The following MMRN1 variants were observed in gnomAD, a reference collection of about 807,000 sequenced individuals.
MMRN1 encodes the protein multimerin 1, also known as multimerin-1.
A neutral mutation model predicts 100.7 loss-of-function variants in MMRN1; 94 were observed. The observed-to-expected ratio is 0.93, with a 90% CI of 0.79 to 1.11. The LOEUF is 1.11. Among genes scored for constraint, MMRN1 ranks in the 50% least tolerant of loss-of-function variants. The pLI is 0.00. For missense variants in MMRN1, 1,606 were observed against 1,439.1 expected (o/e 1.12, Z -1.88); for synonymous variants, 575 against 505.0 (o/e 1.14, Z -1.86).
chr4:89,902,771 C>T (rs1296742661), intron 1 of MMRN1, among the ~76,000 whole-genome samples: 1 of 151,928 alleles, frequency 6.6e-6, no homozygotes, highest in African/African-American at 2.4e-5. Context: ...AACCATAAAT[C>T]AAAGTATCTA....
intron 1 of MMRN1, among the ~76,000 whole-genome samples, chr4:89,888,920 T>C (rs1720992490): frequency 1.3e-5 from 2 of 150,568 alleles, no homozygotes; most frequent in South Asian, 4.1e-4. Context: ...GTTTTCTTGA[T>C]TTTTTTAGGG....
upstream of MMRN1, among the ~76,000 whole-genome samples, chr4:89,892,819 C>G (rs1040931770): frequency 9.2e-5 from 14 of 151,898 alleles, no homozygotes; most frequent in Non-Finnish European, 1.9e-4. Flanking sequence ...TGACATTTTA[C>G]CACTAAAGTT....
At position 89,934,934 on chromosome 4, in the gene MMRN1, G is replaced by C; in HGVS notation, c.1254G>C (p.Glu418Asp). The change falls in exon 6 of 8, where the codon GAG (glutamate) becomes GAC (aspartate). Residue 418 changes from glutamate (E) to aspartate (D), a missense_variant. Transcript: ENST00000264790. Reference protein sequence around the residue: ...QLFKTVSSLSEDLESTRQIIQ... With the variant: ...QLFKTVSSLSDDLESTRQIIQ... The stretch of plus-strand genomic sequence containing the variant: ...TCAAGACTGTATCAAGTCTATCAGA[G>C]GACCTCGAAAGCACCAGGCAAATAA... The C allele has an allele frequency of 6.2e-7, 1 of 1,613,696 alleles. No individual in the cohort carries two copies. Among genetic ancestry groups the C allele is most frequent in the Non-Finnish European group, 8.5e-7 (1 of 1,179,778 alleles).
intron 1 of MMRN1, among the ~76,000 whole-genome samples, chr4:89,879,830 CAT>C (rs1720782502): frequency 6.6e-6 from 1 of 152,122 alleles, no homozygotes. Flanking sequence ...TTCAACAAGA[CAT>C]GTGAAAATAG....
intron 2 of MMRN1, among the ~76,000 whole-genome samples, chr4:89,910,654 T>C (rs12640925): frequency 0.082 from 12,442 of 151,482 alleles, 930 homozygotes; most frequent in East Asian, 0.3. Context: ...CAAATTGCTT[T>C]GCTTCCTACT....
chr4:89,926,586 TG>T (rs1433761689), intron 4 of MMRN1, among the ~76,000 whole-genome samples: 2 of 152,180 alleles, frequency 1.3e-5, no homozygotes, highest in Non-Finnish European at 2.9e-5. Flanking sequence ...GGTTGTGTCT[TG>T]ACTTTGTTGG....
chr4:89,895,779 A>G (rs150123061), intron 1 of MMRN1, among the ~76,000 whole-genome samples, 185 bp downstream of exon 1: 127 of 152,258 alleles, frequency 8.3e-4, no homozygotes, highest in African/African-American at 2.9e-3. Flanking sequence ...AAATGAAGAA[A>G]TAAAATGCAG....
At chr4:89,929,194 T>TA (rs1226376591) in intron 5 of MMRN1, among the ~76,000 whole-genome samples, 1 of 152,158 alleles carries the variant, frequency 6.6e-6, no homozygotes, top group Admixed American at 6.6e-5. Context: ...GTTTCAGGAT[T>TA]ACTGTTTTTT....
Position 89,953,301 on chromosome 4 carries a change from T to A in MMRN1, c.3570T>A (p.Asp1190Glu). 1 of 1,613,900 alleles carries A rather than the reference T, an allele frequency of 6.2e-7. No homozygotes were observed. Among genetic ancestry groups the A allele is most frequent in the Non-Finnish European group, 8.5e-7 (1 of 1,179,844 alleles). Residue 1190 changes from aspartate to glutamate, a missense_variant, in exon 8 of 8, where the codon GAT (aspartate) becomes GAA (glutamate). Asp to Glu is a conservative substitution (Grantham distance 45). Transcript: ENST00000264790. The stretch of plus-strand genomic sequence containing the variant: ...ACTGTGATAGGGTTTTAACTGGGGA[T>A]GCCTTATTAGAATTAAATTATGGGC... ...EIHCDRVLTG[D>E]ALLELNYGQE...
chr4:89,890,010 A>G (rs886232365), upstream of MMRN1, among the ~76,000 whole-genome samples: 1 of 151,526 alleles, frequency 6.6e-6, no homozygotes, highest in Non-Finnish European at 1.5e-5. Context: ...GAAGCTACTG[A>G]TTTTCATTCT....
At chr4:89,938,870 A>G (rs1722736037) in intron 6 of MMRN1, among the ~76,000 whole-genome samples, 1 of 152,094 alleles carries the variant, frequency 6.6e-6, no homozygotes, top group African/African-American at 2.4e-5. Flanking sequence ...TAATGATGCC[A>G]AGGTAATAAA....
chr4:89,936,966 A>T (rs1319612312), intron 6 of MMRN1, among the ~76,000 whole-genome samples, 168 bp downstream of exon 6: 2 of 152,118 alleles, frequency 1.3e-5, no homozygotes, highest in Non-Finnish European at 2.9e-5. Context: ...AATCTATCTT[A>T]CAGTATTTCA....
intron 3 of MMRN1, among the ~76,000 whole-genome samples, chr4:89,912,729 G>A (rs1042503411): frequency 8.6e-5 from 13 of 151,124 alleles, no homozygotes; most frequent in African/African-American, 3.1e-4. Flanking sequence ...TACAAGAAAG[G>A]CCATTAGCAG....
intron 3 of MMRN1, among the ~76,000 whole-genome samples, chr4:89,918,020 A>G (rs1721976589): frequency 6.6e-6 from 1 of 151,752 alleles, no homozygotes; most frequent in South Asian, 2.1e-4. Context: ...GCATAAATCA[A>G]TGAATATTTA....
At position 89,951,769 on chromosome 4, in the gene MMRN1, G is replaced by T. The variant is rs776557832; in HGVS notation, c.3265+18G>T. On this transcript the variant is annotated intron_variant, in intron 7 of 7. Coordinates refer to ENST00000264790, the MANE Select transcript of MMRN1 (RefSeq NM_007351.3). Reference sequence around the variant, plus strand: ...AGCTCCAGGTAAAAAAAAAGTATACGCATCTTTGGATTTGCTCATTGTCAT... The same window carrying T: ...AGCTCCAGGTAAAAAAAAAGTATACTCATCTTTGGATTTGCTCATTGTCAT... 5 of 1,607,646 alleles carry T rather than the reference G, an allele frequency of 3.1e-6. No individual in the cohort carries two copies. Among genetic ancestry groups the T allele is most frequent in the East Asian group, 4.5e-5 (2 of 44,432 alleles).
rs1578459135 is a variant in MMRN1 at position 89,888,270 on chromosome 4, C to T, written c.-248-6454C>T. 2.6e-5 allele frequency among the ~76,000 whole-genome samples: 4 copies of T among 151,940 alleles called. No individual in the cohort carries two copies. The South Asian group carries it at 8.3e-4, about 32-fold the overall frequency. On this transcript the variant is annotated intron_variant, in intron 1 of 8. Coordinates refer to the MMRN1 transcript ENST00000394980. ...TTCACGTTTTACCTATTAAAGATGT[C>T]TTTATTTCCCCTTTACTTTTGAAGG...
At chr4:89,898,451 G>A (rs968200345) in intron 1 of MMRN1, among the ~76,000 whole-genome samples, 1 of 151,866 alleles carries the variant, frequency 6.6e-6, no homozygotes, top group Non-Finnish European at 1.5e-5. Context: ...CACTCCCTTG[G>A]CAGGTACAGT....
rs761382953 is a variant in MMRN1, at chr4:89,935,329, A to C, written c.1649A>C (p.His550Pro). The C allele has an allele frequency of 3.1e-6, 5 of 1,613,354 alleles. No homozygotes were observed. The highest frequency in any genetic ancestry group is 3.4e-6 in the Non-Finnish European group (4 of 1,179,734). The change falls in exon 6 of 8, where the codon CAT (histidine) becomes CCT (proline). Residue 550 changes from histidine (H) to proline (P), a missense_variant. Physicochemically the swap from His to Pro is moderately conservative, Grantham distance 77. Coordinates refer to ENST00000264790, the MANE Select transcript of MMRN1 (RefSeq NM_007351.3). Reference protein sequence around the residue: ...NNVTEYMSTLHENIKKQSLMM... With the variant: ...NNVTEYMSTLPENIKKQSLMM... Reference sequence around the variant, plus strand: ...GTCACTGAGTACATGTCTACTTTACATGAAAATATAAAGAAGCAGAGTTTG... The same window carrying C: ...GTCACTGAGTACATGTCTACTTTACCTGAAAATATAAAGAAGCAGAGTTTG...
chr4:89,913,165 C>T (rs1721808709), intron 3 of MMRN1, among the ~76,000 whole-genome samples: 1 of 151,160 alleles, frequency 6.6e-6, no homozygotes, highest in East Asian at 1.9e-4. Flanking sequence ...TATATACTCA[C>T]AATGGTAAAA....
Sources: gnomAD v4.1 joint callset for allele counts (sites outside exome capture counted in the v4.1 genomes callset) on GRCh38, gnomAD v4.1.1 for gene constraint, MANE v1.5 for transcripts, NCBI Gene and HGNC (gene_info 2026-07-23, HGNC 2026-07-21) for gene names.